Variants in SGCD observed in about 807,000 individuals in gnomAD.
The protein encoded by SGCD is delta-sarcoglycan.
Under a neutral mutation model 36.6 loss-of-function variants are expected in SGCD, and 18 were observed. The ratio of observed to expected loss-of-function variants is 0.49; its 90% CI spans 0.34 to 0.73. The LOEUF is 0.73. SGCD is among the 30% of genes least tolerant of loss of function. SGCD has a pLI of 0.01. For synonymous variants in SGCD, 133 were observed against 130.6 expected, an observed-to-expected ratio of 1.02 and a Z score of -0.12; for missense variants, 387 against 346.7, an observed-to-expected ratio of 1.12 and a Z score of -0.92.
intron 4 of SGCD, among the ~76,000 whole-genome samples, chr5:156,548,620 A>T (rs79147209): frequency 2.0e-5 from 3 of 149,782 alleles, no homozygotes; most frequent in East Asian, 3.9e-4. Flanking sequence ...CTTTCCGTGT[A>T]TTTTTTTTTT....
intron 7 of SGCD, among the ~76,000 whole-genome samples, chr5:156,671,663 G>C (rs1177337543): frequency 6.6e-6 from 1 of 152,182 alleles, no homozygotes; most frequent in Non-Finnish European, 1.5e-5. Flanking sequence ...CTTCTAGGTA[G>C]AAGCATGAGC....
At chr5:156,275,142 C>A (rs149919309) in intron 3 of SGCD, among the ~76,000 whole-genome samples, 523 of 152,256 alleles carry the variant, frequency 3.4e-3, no homozygotes, top group African/African-American at 0.012. Flanking sequence ...AACCCTTTGC[C>A]TTCCTTGCCC....
the SGCD span, among the ~76,000 whole-genome samples, chr5:155,813,984 A>G: frequency 6.6e-6 from 1 of 152,146 alleles, no homozygotes; most frequent in Non-Finnish European, 1.5e-5. Flanking sequence ...GTCAGGTACT[A>G]TCTGAGATAT....
intron 2 of SGCD, among the ~76,000 whole-genome samples, chr5:156,334,988 G>A (rs1169918785): frequency 1.3e-5 from 2 of 152,178 alleles, no homozygotes; most frequent in Non-Finnish European, 2.9e-5. Flanking sequence ...TTTAAGTTCA[G>A]ACCCTAACCA....
intron 3 of SGCD, among the ~76,000 whole-genome samples, chr5:156,250,956 A>G (rs1304282575): frequency 2.0e-5 from 3 of 152,216 alleles, no homozygotes; most frequent in African/African-American, 7.2e-5. Flanking sequence ...ATTGCTCTGG[A>G]AAGAGTTTAA....
At chr5:155,818,539 G>GAGAT in the SGCD span, among the ~76,000 whole-genome samples, 1 of 152,256 alleles carries the variant, frequency 6.6e-6, no homozygotes, top group Non-Finnish European at 1.5e-5. Flanking sequence ...TTATGTTTTT[G>GAGAT]AGATAGAGTC....
At chr5:155,936,353 G>A (rs1757201348) in intron 1 of SGCD, among the ~76,000 whole-genome samples, 1 of 152,132 alleles carries the variant, frequency 6.6e-6, no homozygotes, top group African/African-American at 2.4e-5. Flanking sequence ...GCTCAGGGGC[G>A]ACCCTGGGAT....
intron 3 of SGCD, among the ~76,000 whole-genome samples, chr5:156,387,882 T>G (rs899932137): frequency 6.6e-5 from 10 of 152,240 alleles, no homozygotes; most frequent in Non-Finnish European, 8.8e-5. Context: ...AGCCTAAAAC[T>G]GACCTTATTT....
At chr5:156,414,523 A>G (rs1772928932) in intron 3 of SGCD, among the ~76,000 whole-genome samples, 1 of 152,256 alleles carries the variant, frequency 6.6e-6, no homozygotes, top group Non-Finnish European at 1.5e-5. Context: ...GCCAGATAGT[A>G]AATATTTTCA....
intron 7 of SGCD, among the ~76,000 whole-genome samples, chr5:156,693,354 G>A (rs157662): frequency 0.045 from 6,885 of 152,184 alleles, 242 homozygotes; most frequent in East Asian, 0.16. Flanking sequence ...CTGTCAGAGA[G>A]ATAGGGCACA....
chr5:156,088,710 A>G (rs1448854527), intron 1 of SGCD, among the ~76,000 whole-genome samples: 3 of 152,144 alleles, frequency 2.0e-5, no homozygotes, highest in African/African-American at 7.2e-5. Flanking sequence ...TATAAAGACA[A>G]AGTCTCACTA....
chr5:156,619,362 T>C (rs1561818978), intron 6 of SGCD, among the ~76,000 whole-genome samples: 1 of 152,070 alleles, frequency 6.6e-6, no homozygotes, highest in Non-Finnish European at 1.5e-5. Context: ...GGGAGGGAGA[T>C]GGTTTTGTTT....
chr5:155,990,969 G>T (rs1758420577), intron 1 of SGCD, among the ~76,000 whole-genome samples: 1 of 152,100 alleles, frequency 6.6e-6, no homozygotes, highest in South Asian at 2.1e-4. Flanking sequence ...GTGTCTCTCA[G>T]TGTCACCTGG....
intron 4 of SGCD, among the ~76,000 whole-genome samples, chr5:156,563,481 T>C (rs1759352836): frequency 6.6e-6 from 1 of 152,244 alleles, no homozygotes; most frequent in African/African-American, 2.4e-5. Flanking sequence ...GGAGCTTTTC[T>C]GCGAGAAGGC....
At chr5:156,679,334 G>A (rs1753635527) in intron 7 of SGCD, among the ~76,000 whole-genome samples, 1 of 152,190 alleles carries the variant, frequency 6.6e-6, no homozygotes, top group Non-Finnish European at 1.5e-5. Context: ...CGCCTCTGAG[G>A]TCAGTTTACT....
chr5:156,754,665 TAGG>T (rs1173942779), intron 7 of SGCD, among the ~76,000 whole-genome samples: 1 of 152,240 alleles, frequency 6.6e-6, no homozygotes, highest in African/African-American at 2.4e-5. Context: ...GCCATTTTAC[TAGG>T]AGTATAACCA....
chr5:156,183,849 G>C (rs1763667517), intron 3 of SGCD, among the ~76,000 whole-genome samples: 1 of 152,162 alleles, frequency 6.6e-6, no homozygotes, highest in Admixed American at 6.5e-5. Flanking sequence ...ATCTTCTATA[G>C]TAGCAAGTCA....
chr5:156,385,650 A>G (rs1253152370), intron 3 of SGCD, among the ~76,000 whole-genome samples: 1 of 152,186 alleles, frequency 6.6e-6, no homozygotes, highest in Non-Finnish European at 1.5e-5. Flanking sequence ...AGGAGGTAAG[A>G]GCTTATCTGG....
At chr5:156,002,994 C>T (rs1055281140) in intron 1 of SGCD, among the ~76,000 whole-genome samples, 6 of 152,162 alleles carry the variant, frequency 3.9e-5, no homozygotes, top group African/African-American at 1.4e-4. Flanking sequence ...AGAATAAACT[C>T]CACAGTTTTT....
Sources: gnomAD v4.1 joint callset for allele counts (sites outside exome capture counted in the v4.1 genomes callset) on GRCh38, gnomAD v4.1.1 for gene constraint, MANE v1.5 for transcripts, NCBI Gene and HGNC (gene_info 2026-07-23, HGNC 2026-07-21) for gene names.